Variants in PPP1R12B observed in about 807,000 individuals in gnomAD.
PPP1R12B encodes protein phosphatase 1 regulatory subunit 12B, also known as myosin phosphatase target subunit 2.
PPP1R12B carries 76 observed loss-of-function variants against 126.1 expected under a neutral mutation model. The observed-to-expected ratio is 0.60, with a 90% CI of 0.50 to 0.73. The LOEUF (loss-of-function observed/expected upper bound fraction) is 0.73, where lower values mean the gene tolerates loss of function less well. PPP1R12B is among the 30% of genes least tolerant of loss of function. The pLI, the probability that PPP1R12B is intolerant of heterozygous loss-of-function variation, is 0.00. For synonymous variants in PPP1R12B, 356 were observed against 434.7 expected (o/e 0.82, Z 2.25); for missense variants, 1,052 against 1,205.1 (o/e 0.87, Z 1.88).
chr1:202,376,764 A>G (rs1367602045), intron 1 of PPP1R12B, among the ~76,000 whole-genome samples: 2 of 152,204 alleles, frequency 1.3e-5, no homozygotes, highest in African/African-American at 4.8e-5. Context: ...AATATTAAAT[A>G]ATAGGATAGT....
chr1:202,482,894 C>T (rs1677586330), intron 13 of PPP1R12B, among the ~76,000 whole-genome samples: 1 of 152,196 alleles, frequency 6.6e-6, no homozygotes, highest in Admixed American at 6.5e-5. Flanking sequence ...TGTTAAGTCT[C>T]TAATCTACTT....
intron 1 of PPP1R12B, among the ~76,000 whole-genome samples, chr1:202,398,037 G>C (rs1404465438): frequency 1.3e-5 from 2 of 152,248 alleles, no homozygotes; most frequent in South Asian, 4.1e-4. Flanking sequence ...TCAGCCTCCC[G>C]AGTAGCTGGA....
intron 3 of PPP1R12B, among the ~76,000 whole-genome samples, chr1:202,424,313 T>C (rs1669210861): frequency 6.6e-6 from 1 of 151,720 alleles, no homozygotes; most frequent in Admixed American, 6.6e-5. Flanking sequence ...CTTAGGTAGT[T>C]GACAGGTTCT....
chr1:202,350,290 A>G (rs1655701910), intron 1 of PPP1R12B, among the ~76,000 whole-genome samples: 1 of 152,120 alleles, frequency 6.6e-6, no homozygotes, highest in Non-Finnish European at 1.5e-5. Flanking sequence ...GTAGTAACCA[A>G]TATTTGTAGA....
At position 202,565,715 on chromosome 1, in the gene PPP1R12B, C is replaced by G. The variant is rs985537346; in HGVS notation, c.2757+1168C>G. Among the ~76,000 whole-genome samples, 4 of 152,134 alleles carry G rather than the reference C, an allele frequency of 2.6e-5. No individual in the cohort carries two copies. Among genetic ancestry groups the G allele is most frequent in the African/African-American group, 9.7e-5 (4 of 41,412 alleles). On this transcript the variant is annotated intron_variant, in intron 21 of 23. Transcript: ENST00000608999. This position sits in a 1 kb window ranked among gnomAD's most constrained non-coding sequence, Gnocchi z 4.3. ...CTGATTATAGTAGCCCAACATGGCT[C>G]TACTGGAAATTTCTGAGACTTACTG...
chr1:202,467,283 TTACA>T (rs1675148534), intron 13 of PPP1R12B, among the ~76,000 whole-genome samples: 1 of 151,954 alleles, frequency 6.6e-6, no homozygotes, highest in African/African-American at 2.4e-5. Flanking sequence ...TACAGGTTAG[TTACA>T]TATGTATACA....
At chr1:202,555,367 C>T (rs1399398975) in intron 18 of PPP1R12B, among the ~76,000 whole-genome samples, 3 of 99,670 alleles carry the variant, frequency 3.0e-5, no homozygotes, top group Non-Finnish European at 5.9e-5. Flanking sequence ...TGTTTCGTCA[C>T]CATAGAGGCA....
rs111697917 is a variant in PPP1R12B at position 202,588,872 on chromosome 1, T to TAGATAGATAGATAGATAGATGATAGATA, written c.*8313_*8314insGATAGATAGATAGATAGATGATAGATAA. 5.4e-5 allele frequency: 8 copies of TAGATAGATAGATAGATAGATGATAGATA among 146,970 alleles called. No individual in the cohort carries two copies. Among genetic ancestry groups the TAGATAGATAGATAGATAGATGATAGATA allele is most frequent in the African/African-American group, 2.1e-4 (8 of 37,810 alleles). 9.1% of individuals were successfully genotyped at this position (146,970 alleles called of 1,614,324 possible). A position where few individuals can be genotyped will look rare whatever the true frequency, so the allele number is the denominator to read the frequency against. On this transcript the variant is annotated 3_prime_UTR_variant, in exon 24 of 24. Transcript: ENST00000608999. Reference sequence around the variant, plus strand: ...ATAGATAGATAGATAGATAGATAGATATCAAGGTTCCAAGCTTCAAGTAAC... The same window carrying TAGATAGATAGATAGATAGATGATAGATA: ...ATAGATAGATAGATAGATAGATAGATAGATAGATAGATAGATAGATGATAGATAATCAAGGTTCCAAGCTTCAAGTAAC...
chr1:202,556,282 T>A (rs974360042), intron 18 of PPP1R12B, among the ~76,000 whole-genome samples: 6 of 152,196 alleles, frequency 3.9e-5, no homozygotes, highest in African/African-American at 1.4e-4. Context: ...TAATTCTTAC[T>A]GTTAGAATAA....
intron 1 of PPP1R12B, among the ~76,000 whole-genome samples, chr1:202,378,952 C>T (rs1342119697): frequency 6.6e-6 from 1 of 152,164 alleles, no homozygotes; most frequent in African/African-American, 2.4e-5. Flanking sequence ...ATTGCCCACT[C>T]TTTGCCCAGA....
At chr1:202,525,888 G>A (rs1007889841) in intron 18 of PPP1R12B, among the ~76,000 whole-genome samples, 3 of 152,158 alleles carry the variant, frequency 2.0e-5, no homozygotes, top group Non-Finnish European at 2.9e-5. Context: ...TAGTAGAGAC[G>A]GGCTTTCGCC....
chr1:202,349,690 C>G (rs1355539090), intron 1 of PPP1R12B, among the ~76,000 whole-genome samples: 1 of 152,162 alleles, frequency 6.6e-6, no homozygotes, highest in Non-Finnish European at 1.5e-5. Context: ...GCTCCTAGAA[C>G]ACGCTGGACC....
Position 202,591,672 on chromosome 1 carries a change from G to C in PPP1R12B, c.*11112G>C, listed in dbSNP as rs553226511. 3.5e-4 allele frequency: 54 copies of C among 152,906 alleles called. No homozygotes were observed. The highest frequency in any genetic ancestry group is 1.2e-3 in the African/African-American group (49 of 41,560). 9.5% of individuals were successfully genotyped at this position (152,906 alleles called of 1,614,324 possible). ...CTGCAGGAGGATGCACGAGGGAAGA[G>C]CGTCAGCCCCTGTATTCACCGGCCT... On this transcript the variant is annotated 3_prime_UTR_variant, in exon 24 of 24. Coordinates refer to ENST00000608999, the MANE Select transcript of PPP1R12B (RefSeq NM_002481.4).
At chr1:202,432,408 C>T (rs911631577) in intron 8 of PPP1R12B, among the ~76,000 whole-genome samples, 2 of 152,032 alleles carry the variant, frequency 1.3e-5, no homozygotes, top group African/African-American at 4.8e-5. Flanking sequence ...GCTGGGACTA[C>T]AGGTGTGCAC....
At chr1:202,511,550 C>A (rs1681512267) in intron 18 of PPP1R12B, among the ~76,000 whole-genome samples, 1 of 151,916 alleles carries the variant, frequency 6.6e-6, no homozygotes, top group South Asian at 2.1e-4. Context: ...CCCATTCCAC[C>A]CTTCCCCCTG....
intron 13 of PPP1R12B, among the ~76,000 whole-genome samples, chr1:202,454,503 C>T (rs1339992979): frequency 6.6e-6 from 1 of 152,098 alleles, no homozygotes; most frequent in African/African-American, 2.4e-5. Context: ...ATCAGTGAAC[C>T]AGACAAATAT....
chr1:202,563,881 A>G (rs920668644), intron 20 of PPP1R12B, among the ~76,000 whole-genome samples: 3 of 152,096 alleles, frequency 2.0e-5, no homozygotes, highest in African/African-American at 4.8e-5. Flanking sequence ...CAGCCTGGGC[A>G]ATATAGTGAG....
intron 23 of PPP1R12B, among the ~76,000 whole-genome samples, chr1:202,578,314 A>G (rs1462320731): frequency 6.6e-6 from 1 of 152,228 alleles, no homozygotes; most frequent in Non-Finnish European, 1.5e-5. Flanking sequence ...ATTGCCATAT[A>G]TAGCTTCTTC....
intron 1 of PPP1R12B, among the ~76,000 whole-genome samples, chr1:202,378,877 C>CT (rs1571699330): frequency 6.6e-6 from 1 of 152,152 alleles, no homozygotes; most frequent in African/African-American, 2.4e-5. Context: ...CAAAACAATG[C>CT]TTTTTTTCCC....
Sources: allele counts gnomAD v4.1 joint callset (sites outside exome capture counted in the v4.1 genomes callset), GRCh38; gene constraint gnomAD v4.1.1; non-coding constraint Gnocchi (gnomAD v3.1); transcripts MANE v1.5; gene names NCBI Gene and HGNC (gene_info 2026-07-23, HGNC 2026-07-21).